Variants in FAT2 observed in about 807,000 individuals in gnomAD.
FAT2 encodes FAT atypical cadherin 2.
Under a neutral mutation model 295.3 loss-of-function variants are expected in FAT2, and 150 were observed. That is an observed-to-expected ratio of 0.51 (90% CI 0.44 to 0.58). The LOEUF is 0.58. Ranked by LOEUF, FAT2 falls within the 20% of genes least tolerant of loss-of-function variation. The probability of loss-of-function intolerance (pLI) is 0.00; values close to 1 mark genes in which losing one functional copy is unlikely to be tolerated. For missense variants in FAT2, 4,868 were observed against 5,442.7 expected (o/e 0.89, Z 3.32); for synonymous variants, 2,026 against 2,150.3 (o/e 0.94, Z 1.60).
At chr5:151,522,856 C>T (rs1394887317) in intron 18 of FAT2, among the ~76,000 whole-genome samples, 1 of 152,158 alleles carries the variant, frequency 6.6e-6, no homozygotes, top group South Asian at 2.1e-4. Flanking sequence ...CCTGACCTCA[C>T]TGATGGGCTG....
In FAT2 at chr5:151,512,249, G is replaced by A. The variant is rs1462413864; in HGVS notation, c.11821C>T (p.Leu3941Phe). The change falls in exon 21 of 24, where the codon CTC becomes TTC. Residue 3941 changes from leucine (L) to phenylalanine (F), a missense_variant. Physicochemically the swap from Leu to Phe is conservative, Grantham distance 22 (BLOSUM62 0). Coordinates refer to ENST00000261800, the MANE Select transcript of FAT2 (RefSeq NM_001447.3). The surrounding 1 kb of genome is among the most constrained non-coding windows in gnomAD (Gnocchi z 4.1). Reference sequence around the variant, plus strand: ...TCACTGTGGAGGCAGCACTGGGTGAGGGCTTGTGTCTCCAGCAAGCCTGCC... The same window carrying A: ...TCACTGTGGAGGCAGCACTGGGTGAAGGCTTGTGTCTCCAGCAAGCCTGCC... ...TVAGLLETQA[L>F]TQCCLHSDYC... The A allele has an allele frequency of 1.1e-5, 17 of 1,614,208 alleles. No individual in the cohort carries two copies. Among genetic ancestry groups the A allele is most frequent in the Non-Finnish European group, 1.4e-5 (16 of 1,180,034 alleles).
At chr5:151,522,160 C>T in intron 18 of FAT2, 74 bp from the exon 19 acceptor site, 1 of 1,217,080 alleles carries the variant, frequency 8.2e-7, no homozygotes, top group African/African-American at 1.5e-5. Context: ...GCTGGGCCTC[C>T]TTGTGGAGCT....
Position 151,510,167 on chromosome 5 carries a change from G to A in FAT2, c.11913C>T (p.Val3971=). The change falls in exon 22 of 24, where the codon GTC becomes GTT. Residue 3971 remains valine (V), a synonymous_variant. Coordinates refer to ENST00000261800, the MANE Select transcript of FAT2 (RefSeq NM_001447.3). ...KCSWTHGAGY[V]CKCPPQFSGK... is the part of the protein sequence containing the mutation. ...CAGAGAACTGTGGGGGACATTTGCA[G>A]ACATAGCCTAGGAGAAAAAGAAGGG... 1 of 1,614,096 alleles carries A rather than the reference G, an allele frequency of 6.2e-7. No individual in the cohort carries two copies. The highest frequency in any genetic ancestry group is 8.5e-7 in the Non-Finnish European group (1 of 1,179,994).
chr5:151,516,542 C>T (rs990700257), intron 20 of FAT2, among the ~76,000 whole-genome samples: 4 of 152,100 alleles, frequency 2.6e-5, no homozygotes, highest in African/African-American at 9.7e-5. Flanking sequence ...AAAATTGCAA[C>T]TCTCCTCACC....
upstream of FAT2, among the ~76,000 whole-genome samples, chr5:151,593,528 A>T (rs931662160): frequency 1.3e-5 from 2 of 152,098 alleles, no homozygotes; most frequent in Non-Finnish European, 2.9e-5. Flanking sequence ...CCAGTCTCCC[A>T]TGCACCAGGG....
Position 151,543,018 on chromosome 5 carries a change from G to A in FAT2, c.8109C>T (p.Asp2703=), listed in dbSNP as rs1162644194. The A allele has an allele frequency of 4.3e-6, 7 of 1,614,066 alleles. No individual in the cohort carries two copies. Among genetic ancestry groups the A allele is most frequent in the Non-Finnish European group, 5.9e-6 (7 of 1,180,046 alleles). Residue 2703 remains aspartate, a synonymous_variant, in exon 10 of 24, where the codon GAC becomes GAT. Transcript: ENST00000261800. ...EPLYTFSAPE[D]LPEGSEIGIV... ...TCCCAATTTCAGACCCCTCTGGAAG[G>A]TCTTCAGGTGCAGAGAAAGTATACA...
intron 1 of FAT2, among the ~76,000 whole-genome samples, chr5:151,580,294 C>G (rs553426104): frequency 2.3e-4 from 35 of 152,298 alleles, no homozygotes; most frequent in Middle Eastern, 3.4e-3. Context: ...GAGACCTGCC[C>G]TCAGTACTGC....
At chr5:151,556,269 C>G (rs759676014) in intron 4 of FAT2, 75 bp downstream of exon 4, 1 of 1,240,646 alleles carries the variant, frequency 8.1e-7, no homozygotes, top group South Asian at 1.2e-5. Flanking sequence ...AGCCACAGTG[C>G]TAGACATGCA....
intron 1 of FAT2, among the ~76,000 whole-genome samples, chr5:151,580,481 C>A (rs888366128): frequency 2.0e-5 from 3 of 152,194 alleles, no homozygotes; most frequent in African/African-American, 7.2e-5. Context: ...ATTACCATTG[C>A]AGTAGGTGCT....
chr5:151,517,824 A>G, intron 19 of FAT2, 59 bp from the exon 20 acceptor site: 1 of 1,594,734 alleles, frequency 6.3e-7, no homozygotes, highest in Non-Finnish European at 8.6e-7. Flanking sequence ...GAGCCCTTGG[A>G]CTGACTTTGT....
chr5:151,574,543 T>C lies in FAT2; in HGVS notation c.-20-5592A>G, dbSNP rs117317346. 2.6e-5 allele frequency among the ~76,000 whole-genome samples: 4 copies of C among 152,344 alleles called. No individual in the cohort carries two copies. In the East Asian group the frequency reaches 7.7e-4, roughly 29 times the overall value. On this transcript the variant is annotated intron_variant, in intron 1 of 23. Transcript: ENST00000261800. Reference sequence around the variant, plus strand: ...GCTAGTCAAGTCTTAGCCACTGAAATAATTTCTCTTCTTAGTAGTAGGGAG... The same window carrying C: ...GCTAGTCAAGTCTTAGCCACTGAAACAATTTCTCTTCTTAGTAGTAGGGAG...
In FAT2 at chr5:151,527,384, C is replaced by A; in HGVS notation, c.10165-7G>T. ...TCAGGGAATAACTAGAGGCCTATTG[C>A]AAAATGTCCAGTGGAGGTTAGCAAT... is the stretch of plus-strand genomic sequence containing the variant. On this transcript the variant is annotated splice_region_variant and splice_polypyrimidine_tract_variant and intron_variant, in intron 16 of 23. Transcript: ENST00000261800. 6.3e-7 allele frequency: 1 copy of A among 1,594,530 alleles called. No homozygotes were observed. Among genetic ancestry groups the A allele is most frequent in the Non-Finnish European group, 8.6e-7 (1 of 1,167,804 alleles).
intron 14 of FAT2, among the ~76,000 whole-genome samples, chr5:151,529,688 T>C (rs867346769): frequency 5.3e-5 from 8 of 152,360 alleles, no homozygotes; most frequent in Middle Eastern, 6.8e-3. Flanking sequence ...TTGAGATCTA[T>C]AAAAACCCTG....
intron 12 of FAT2, 112 bp from the exon 13 acceptor site, chr5:151,534,754 G>T: frequency 2.4e-6 from 2 of 829,810 alleles, no homozygotes; most frequent in South Asian, 1.7e-5. Context: ...TTTGTTCACA[G>T]CAAGGAGGGG....
intron 3 of FAT2, among the ~76,000 whole-genome samples, chr5:151,559,216 G>A (rs764790000): frequency 9.9e-5 from 15 of 152,198 alleles, no homozygotes; most frequent in Non-Finnish European, 1.5e-4. Context: ...GCGTGTTCTC[G>A]CCTTGTGCAG....
rs1344358602 is a variant in FAT2 at position 151,543,856 on chromosome 5, T to C, written c.7271A>G (p.Asp2424Gly). The change falls in exon 10 of 24, where the codon GAC becomes GGC. Residue 2424 changes from aspartate (D) to glycine (G), a missense_variant. Transcript: ENST00000261800. ...TGAGCTGTTAATGAAGAAGTGCCTG[T>C]CCTGATTGCCAGAAAGAATCAGGTA... ...LEYLILSGNQ[D>G]RHFFINSSSG... 1.9e-6 allele frequency: 3 copies of C among 1,614,162 alleles called. No homozygotes were observed. The highest frequency in any genetic ancestry group is 2.5e-6 in the Non-Finnish European group (3 of 1,180,018).
At chr5:151,532,122 G>A (rs1193778068) in intron 13 of FAT2, 152 bp from the exon 14 acceptor site, 31 of 1,004,992 alleles carry the variant, frequency 3.1e-5, no homozygotes, top group Non-Finnish European at 4.2e-5. Flanking sequence ...GGTCTCTCCA[G>A]CGGGGTGTCT....
upstream of FAT2, among the ~76,000 whole-genome samples, chr5:151,592,354 G>C (rs1352516363): frequency 2.0e-5 from 3 of 152,136 alleles, no homozygotes; most frequent in Non-Finnish European, 4.4e-5. Flanking sequence ...CTAGGCCCTG[G>C]GGACACAGAG....
intron 1 of FAT2, among the ~76,000 whole-genome samples, chr5:151,588,580 T>C (rs1443996101): frequency 6.6e-6 from 1 of 152,202 alleles, no homozygotes; most frequent in Non-Finnish European, 1.5e-5. Context: ...CATTCATTCA[T>C]TCAGCAGATA....
Sources: gnomAD v4.1 joint callset for allele counts (sites outside exome capture counted in the v4.1 genomes callset) on GRCh38, gnomAD v4.1.1 for gene constraint, Gnocchi (gnomAD v3.1) non-coding constraint, MANE v1.5 for transcripts, NCBI Gene and HGNC (gene_info 2026-07-23, HGNC 2026-07-21) for gene names.